The following RIT2 variants were observed in gnomAD, a reference collection of about 807,000 sequenced individuals.
RIT2 encodes GTP-binding protein Rit2.
Under a neutral mutation model 23.7 loss-of-function variants are expected in RIT2, and 24 were observed. The observed-to-expected ratio is 1.01, with a 90% CI of 0.73 to 1.43. The LOEUF (loss-of-function observed/expected upper bound fraction) is 1.43, where lower values mean the gene tolerates loss of function less well. RIT2 is among the 40% of genes most tolerant of loss of function. The pLI is 0.00. For missense variants in RIT2, 236 were observed against 266.9 expected, an observed-to-expected ratio of 0.88 and a Z score of 0.81; for synonymous variants, 107 against 91.1, an observed-to-expected ratio of 1.17 and a Z score of -0.99.
intron 4 of RIT2, among the ~76,000 whole-genome samples, chr18:42,758,487 C>CTTTTT (rs5824453): frequency 6.8e-6 from 1 of 147,166 alleles, no homozygotes; most frequent in South Asian, 2.1e-4. Context: ...CATTCTAATC[C>CTTTTT]TTTTTTTTTT....
In RIT2 at chr18:42,944,534, T is replaced by C. The variant is rs576688444; in HGVS notation, c.235-20771A>G. The stretch of plus-strand genomic sequence containing the variant: ...GGGCCCCTGTGATTTCGAGAGAAAG[T>C]GTGCATCTCAATGAGGTAGGCTCTA... On this transcript the variant is annotated intron_variant, in intron 3 of 4. Transcript: ENST00000326695. Among the ~76,000 whole-genome samples the C allele has an allele frequency of 3.3e-5, 5 of 152,204 alleles. No individual in the cohort carries two copies. In the South Asian group the frequency reaches 8.3e-4, roughly 25 times the overall value.
At chr18:42,978,517 C>T (rs1477234562) in intron 2 of RIT2, among the ~76,000 whole-genome samples, 1 of 152,006 alleles carries the variant, frequency 6.6e-6, no homozygotes, top group East Asian at 1.9e-4. Flanking sequence ...AAACACTTCC[C>T]TGAATTTCAA....
intron 1 of RIT2, among the ~76,000 whole-genome samples, chr18:43,106,981 C>G (rs1489419866): frequency 6.6e-6 from 1 of 152,108 alleles, no homozygotes; most frequent in African/African-American, 2.4e-5. Context: ...TTGCAAATAG[C>G]CAGATTCATT....
chr18:42,837,134 TTTC>T (rs1906626677), intron 4 of RIT2, among the ~76,000 whole-genome samples: 1 of 140,928 alleles, frequency 7.1e-6, no homozygotes, highest in South Asian at 2.3e-4. Context: ...GCTATAAAAA[TTTC>T]TTTTTTTTTC....
intron 4 of RIT2, among the ~76,000 whole-genome samples, chr18:42,889,015 C>T (rs1423480857): frequency 1.3e-5 from 2 of 152,008 alleles, no homozygotes; most frequent in Non-Finnish European, 2.9e-5. Flanking sequence ...ACAATATTCT[C>T]ATGGAACAAA....
At chr18:43,104,443 A>G (rs1913761190) in intron 1 of RIT2, among the ~76,000 whole-genome samples, 1 of 152,214 alleles carries the variant, frequency 6.6e-6, no homozygotes, top group Non-Finnish European at 1.5e-5. Flanking sequence ...CACAGCACAA[A>G]GAAGTAATAA....
intron 1 of RIT2, among the ~76,000 whole-genome samples, chr18:43,109,019 G>A (rs927359688): frequency 2.6e-5 from 4 of 152,198 alleles, no homozygotes; most frequent in South Asian, 2.1e-4. Flanking sequence ...CATGAATGAT[G>A]CACTTGGTTG....
At chr18:42,774,826 T>C (rs1913630299) in intron 4 of RIT2, among the ~76,000 whole-genome samples, 1 of 152,160 alleles carries the variant, frequency 6.6e-6, no homozygotes. Context: ...TGAAATTCCA[T>C]TACCTTTAAT....
chr18:43,051,722 G>A (rs1180690677), intron 1 of RIT2, among the ~76,000 whole-genome samples: 1 of 152,108 alleles, frequency 6.6e-6, no homozygotes, highest in Non-Finnish European at 1.5e-5. Flanking sequence ...CTTGCTATAT[G>A]CATTGCTCTT....
intron 1 of RIT2, among the ~76,000 whole-genome samples, chr18:43,103,187 TTCTC>T (rs1380549008): frequency 6.6e-6 from 1 of 152,142 alleles, no homozygotes; most frequent in African/African-American, 2.4e-5. Flanking sequence ...ACCAGTTTCT[TTCTC>T]TATTATTCAT....
intron 4 of RIT2, among the ~76,000 whole-genome samples, chr18:42,805,811 T>C (rs1905667381): frequency 6.6e-6 from 1 of 152,132 alleles, no homozygotes. Context: ...TCAAACTTTA[T>C]TGCTGACTAC....
Position 42,881,294 on chromosome 18 carries a change from C to T in RIT2, c.426+42278G>A, listed in dbSNP as rs547697408. ...TGGTCAATAATTCACATATATTTTG[C>T]TATCTCAATTTTTATTCAATAATGC... On this transcript the variant is annotated intron_variant, in intron 4 of 4. Transcript: ENST00000326695. 1.1e-4 allele frequency among the ~76,000 whole-genome samples: 17 copies of T among 152,280 alleles called. No homozygotes were observed. The South Asian group carries it at 3.5e-3, about 32-fold the overall frequency.
At chr18:43,000,185 T>C (rs1274920449) in intron 2 of RIT2, among the ~76,000 whole-genome samples, 1 of 152,072 alleles carries the variant, frequency 6.6e-6, no homozygotes, top group Non-Finnish European at 1.5e-5. Flanking sequence ...TGATAAATGG[T>C]ATATTGTTTT....
intron 3 of RIT2, among the ~76,000 whole-genome samples, chr18:42,947,768 G>A (rs1013884485): frequency 6.6e-6 from 1 of 152,014 alleles, no homozygotes; most frequent in African/African-American, 2.4e-5. Flanking sequence ...ACAGAAAACT[G>A]CAAAGCAAAT....
At chr18:43,040,994 G>A (rs986323354) in intron 1 of RIT2, among the ~76,000 whole-genome samples, 2 of 152,012 alleles carry the variant, frequency 1.3e-5, no homozygotes, top group Non-Finnish European at 2.9e-5. Context: ...TTTGTAGGGT[G>A]TAAAACCTAC....
intron 3 of RIT2, among the ~76,000 whole-genome samples, chr18:42,942,115 A>C (rs61219030): frequency 1.3e-5 from 2 of 151,968 alleles, no homozygotes; most frequent in Non-Finnish European, 2.9e-5. Flanking sequence ...AAAAAAAAAA[A>C]CAGTGAATAT....
At chr18:42,799,040 A>G (rs939598212) in intron 4 of RIT2, among the ~76,000 whole-genome samples, 1 of 152,224 alleles carries the variant, frequency 6.6e-6, no homozygotes, top group Non-Finnish European at 1.5e-5. Flanking sequence ...GTTATCCTCA[A>G]CTACTGTCAC....
chr18:42,856,963 G>A (rs1598685715), intron 4 of RIT2, among the ~76,000 whole-genome samples: 1 of 151,572 alleles, frequency 6.6e-6, no homozygotes, highest in East Asian at 1.9e-4. Context: ...GGAGCAGCTG[G>A]GACCACAGGC....
chr18:42,962,045 G>A (rs528692813), intron 3 of RIT2, among the ~76,000 whole-genome samples: 3 of 152,200 alleles, frequency 2.0e-5, no homozygotes, highest in East Asian at 3.9e-4. Context: ...GTAAATTTCA[G>A]ATGTGAGAAT....
Sources: allele counts gnomAD v4.1 joint callset (sites outside exome capture counted in the v4.1 genomes callset), GRCh38; gene constraint gnomAD v4.1.1; transcripts MANE v1.5; gene names NCBI Gene and HGNC (gene_info 2026-07-23, HGNC 2026-07-21).